ROBO1: variants seen among roughly 807,000 people sequenced by gnomAD.
ROBO1 encodes roundabout homolog 1.
In ROBO1, 149 loss-of-function variants were observed where a neutral mutation model predicts 195.9. The observed-to-expected ratio is 0.76, with a 90% CI of 0.67 to 0.87. ROBO1 has a LOEUF of 0.87. Ranked by LOEUF, ROBO1 falls within the 40% of genes least tolerant of loss-of-function variation. The pLI is 0.00. For synonymous variants in ROBO1, 816 were observed against 733.2 expected (o/e 1.11, Z -1.82); for missense variants, 1,933 against 2,068.3 (o/e 0.93, Z 1.27).
At chr3:79,577,241 A>G (rs1943516309) in intron 2 of ROBO1, among the ~76,000 whole-genome samples, 2 of 152,174 alleles carry the variant, frequency 1.3e-5, no homozygotes, top group Non-Finnish European at 2.9e-5. Context: ...TACAAAAGAT[A>G]TTCTTTTTAG....
chr3:78,856,166 C>A (rs1233558915), intron 4 of ROBO1, among the ~76,000 whole-genome samples: 1 of 150,136 alleles, frequency 6.7e-6, no homozygotes, highest in East Asian at 2.0e-4. Flanking sequence ...CATAAGAAAT[C>A]AGTTTTAAAC....
chr3:78,944,703 C>A (rs758522552), intron 3 of ROBO1, among the ~76,000 whole-genome samples: 1 of 152,176 alleles, frequency 6.6e-6, no homozygotes. Flanking sequence ...GCGAGTCAAA[C>A]CAGAGAGAGG....
intron 18 of ROBO1, among the ~76,000 whole-genome samples, chr3:78,652,922 C>T (rs954986064): frequency 5.9e-5 from 9 of 152,064 alleles, no homozygotes; most frequent in Admixed American, 3.9e-4. Context: ...ATATCCAATT[C>T]TGTTGGCATT....
At chr3:78,870,607 GA>G (rs1339941462) in intron 4 of ROBO1, among the ~76,000 whole-genome samples, 1 of 152,174 alleles carries the variant, frequency 6.6e-6, no homozygotes, top group Non-Finnish European at 1.5e-5. Flanking sequence ...TTACCAAAAG[GA>G]AATGTTTCCC....
At chr3:79,685,886 C>T (rs972947055) in intron 1 of ROBO1, among the ~76,000 whole-genome samples, 2 of 151,978 alleles carry the variant, frequency 1.3e-5, no homozygotes, top group Non-Finnish European at 2.9e-5. Flanking sequence ...CCAGCATCAT[C>T]CTGATACCAA....
At chr3:79,761,260 AT>A (rs1211769240) in intron 1 of ROBO1, among the ~76,000 whole-genome samples, 3 of 150,860 alleles carry the variant, frequency 2.0e-5, no homozygotes, top group African/African-American at 4.8e-5. Flanking sequence ...TCATAAAAAA[AT>A]ATTTCCAAGA....
chr3:79,598,652 C>T (rs1273284996), intron 1 of ROBO1, among the ~76,000 whole-genome samples: 2 of 151,988 alleles, frequency 1.3e-5, no homozygotes, highest in Non-Finnish European at 2.9e-5. Flanking sequence ...ACCCTCTCTA[C>T]CAGCCCTGGT....
At chr3:79,619,200 A>T (rs1356498326) in intron 1 of ROBO1, among the ~76,000 whole-genome samples, 2 of 152,018 alleles carry the variant, frequency 1.3e-5, no homozygotes, top group African/African-American at 4.8e-5. Context: ...CCTTAGTGGC[A>T]AGTCAATTGT....
At chr3:78,895,592 C>T (rs1256737677) in intron 4 of ROBO1, among the ~76,000 whole-genome samples, 1 of 152,154 alleles carries the variant, frequency 6.6e-6, no homozygotes, top group Non-Finnish European at 1.5e-5. Context: ...GATGACCAAA[C>T]ATAAACATAG....
In ROBO1 at chr3:79,094,112, G is replaced by A. The variant is rs370790599; in HGVS notation, c.172+31344C>T. Among the ~76,000 whole-genome samples the A allele has an allele frequency of 8.5e-5, 13 of 152,190 alleles. No individual in the cohort carries two copies. The South Asian group carries it at 2.1e-3, about 24-fold the overall frequency. On this transcript the variant is annotated intron_variant, in intron 3 of 30. Transcript: ENST00000464233. The stretch of plus-strand genomic sequence containing the variant: ...TTATTCTATTAGCCTGGAGCCTGGA[G>A]TGCAAAGATGTTGAGAAGAACCAAG...
chr3:79,307,917 A>C (rs992271732), intron 2 of ROBO1, among the ~76,000 whole-genome samples: 1 of 152,090 alleles, frequency 6.6e-6, no homozygotes, highest in East Asian at 1.9e-4. Flanking sequence ...TCAGGAAAAA[A>C]CCTTATATTT....
intron 2 of ROBO1, among the ~76,000 whole-genome samples, chr3:79,243,251 T>G (rs9835737): frequency 0.052 from 7,970 of 151,992 alleles, 595 homozygotes; most frequent in African/African-American, 0.17. Flanking sequence ...CATTTGGGTT[T>G]GTTCCAAGTC....
At chr3:78,862,919 A>T (rs1299464041) in intron 4 of ROBO1, among the ~76,000 whole-genome samples, 2 of 152,224 alleles carry the variant, frequency 1.3e-5, no homozygotes, top group Non-Finnish European at 2.9e-5. Context: ...GTTGAGAAAT[A>T]GCAGCTTAGA....
intron 2 of ROBO1, among the ~76,000 whole-genome samples, chr3:79,314,484 G>A (rs564361047): frequency 6.6e-6 from 1 of 152,276 alleles, no homozygotes; most frequent in Admixed American, 6.5e-5. Flanking sequence ...TGTGAAGAAG[G>A]ACATGTTTGC....
chr3:78,808,988 T>C (rs1261807352), intron 4 of ROBO1, among the ~76,000 whole-genome samples: 11 of 152,040 alleles, frequency 7.2e-5, no homozygotes, highest in Non-Finnish European at 1.5e-5. Context: ...AAAGCCAAAA[T>C]TGACAAATGG....
intron 2 of ROBO1, among the ~76,000 whole-genome samples, chr3:79,501,621 G>GA (rs1467555942): frequency 7.2e-5 from 11 of 152,112 alleles, no homozygotes; most frequent in Admixed American, 7.2e-4. Flanking sequence ...GAATAAACCA[G>GA]AAAAAACTTT....
intron 2 of ROBO1, among the ~76,000 whole-genome samples, chr3:79,162,085 A>G (rs375367371): frequency 2.0e-5 from 3 of 152,186 alleles, no homozygotes; most frequent in South Asian, 4.1e-4. Flanking sequence ...GAAGAGAAGT[A>G]GCATGTGTCA....
intron 8 of ROBO1, chr3:78,692,857 G>T (rs1296858813): frequency 6.6e-6 from 1 of 152,228 alleles, no homozygotes; most frequent in Non-Finnish European, 1.5e-5. Context: ...AAATGAAAAT[G>T]AGTGCAAACA....
At chr3:79,289,756 T>C (rs73122561) in intron 2 of ROBO1, among the ~76,000 whole-genome samples, 15,318 of 152,236 alleles carry the variant, frequency 0.1, 830 homozygotes, top group Middle Eastern at 0.14. Flanking sequence ...GAACCACAAC[T>C]TGAACTTTGT....
Sources: gnomAD v4.1 joint callset for allele counts (sites outside exome capture counted in the v4.1 genomes callset) on GRCh38, gnomAD v4.1.1 for gene constraint, MANE v1.5 for transcripts, NCBI Gene and HGNC (gene_info 2026-07-23, HGNC 2026-07-21) for gene names.